The following TEX11 variants were observed in gnomAD, a reference collection of about 807,000 sequenced individuals.
TEX11 encodes testis-expressed protein 11.
Under a neutral mutation model 84.4 loss-of-function variants are expected in TEX11, and 7 were observed. The ratio of observed to expected loss-of-function variants is 0.08; its 90% CI spans 0.05 to 0.16. The LOEUF is 0.16. Ranked by LOEUF, TEX11 falls within the 10% of genes least tolerant of loss-of-function variation. TEX11 has a pLI of 1.00. For missense variants in TEX11, 551 were observed against 660.5 expected, an observed-to-expected ratio of 0.83 and a Z score of 1.82; for synonymous variants, 264 against 222.8, an observed-to-expected ratio of 1.18 and a Z score of -1.64.
At chrX:70,734,019 C>T (rs1398041291) in intron 11 of TEX11, among the ~76,000 whole-genome samples, 4 of 110,696 alleles carry the variant, frequency 3.6e-5, no homozygotes, top group African/African-American at 1.3e-4. Flanking sequence ...ATGGATGAAG[C>T]TGGAAACCAT....
intron 24 of TEX11, among the ~76,000 whole-genome samples, chrX:70,593,349 C>T (rs1167776579): frequency 8.9e-6 from 1 of 112,068 alleles, no homozygotes; most frequent in African/African-American, 3.2e-5. Flanking sequence ...CACTATTTCC[C>T]TATAGCTAAT....
chrX:70,706,333 G>A (rs756527749), intron 13 of TEX11, among the ~76,000 whole-genome samples: 6 of 109,561 alleles, frequency 5.5e-5, no homozygotes, highest in Non-Finnish European at 1.1e-4. Context: ...GGGAGGGATA[G>A]CATTAGGAGA....
At chrX:70,797,736 G>C (rs1240187739) in intron 9 of TEX11, among the ~76,000 whole-genome samples, 1 of 105,703 alleles carries the variant, frequency 9.5e-6, no homozygotes, top group Non-Finnish European at 1.9e-5. Context: ...CATTTGAACA[G>C]AATAAAGGAT....
rs756792681 is a variant in TEX11, at chrX:70,545,030, C to T, written c.2520+7096G>A. Among the ~76,000 whole-genome samples, 23 of 109,284 alleles carry T rather than the reference C, an allele frequency of 2.1e-4. No individual in the cohort carries two copies. In the East Asian group the frequency reaches 6.4e-3, roughly 30 times the overall value. The allele number at this position is 109,284 out of a possible 115,157, so 94.9% of individuals were successfully genotyped here. ...GGCCAGCCTGGCCAATGTGGTGAAA[C>T]CTCGTCTCCAGTAAAAATACAAAAA... On this transcript the variant is annotated intron_variant, in intron 28 of 29. Transcript: ENST00000374333.
At chrX:70,784,096 C>T (rs1158084158) in intron 9 of TEX11, among the ~76,000 whole-genome samples, 2 of 111,655 alleles carry the variant, frequency 1.8e-5, no homozygotes, top group African/African-American at 6.5e-5. Context: ...ATTGGCAAAC[C>T]GAATCCAGCA....
At chrX:70,710,123 C>T (rs1467461775) in intron 13 of TEX11, among the ~76,000 whole-genome samples, 1 of 107,492 alleles carries the variant, frequency 9.3e-6, no homozygotes, top group African/African-American at 3.4e-5. Context: ...TAATCAGCAT[C>T]AAAAAAAAAG....
intron 24 of TEX11, among the ~76,000 whole-genome samples, chrX:70,599,808 T>C (rs1280289211): frequency 1.9e-5 from 2 of 107,355 alleles, no homozygotes; most frequent in African/African-American, 6.8e-5. Context: ...CTGAGAATGA[T>C]GATTTCCAAT....
At chrX:70,563,786 T>C (rs1424909441) in intron 25 of TEX11, among the ~76,000 whole-genome samples, 2 of 112,823 alleles carry the variant, frequency 1.8e-5, no homozygotes, top group African/African-American at 6.4e-5. Context: ...ATTATTATAT[T>C]TTCCTCTTTT....
intron 11 of TEX11, among the ~76,000 whole-genome samples, chrX:70,739,560 T>A (rs934403139): frequency 9.2e-6 from 1 of 109,232 alleles, no homozygotes. Context: ...TGCAGGCACA[T>A]GCCACCACAC....
At position 70,670,452 on chromosome X, in the gene TEX11, A is replaced by G; in HGVS notation, c.1305T>C (p.Asp435=). ...GCTTGGTGAAGTCCAGATCCATTTCATCAGTTGAATAAAACCTCAGAGAAT... is the reference window on the plus strand; with the variant it reads ...GCTTGGTGAAGTCCAGATCCATTTCGTCAGTTGAATAAAACCTCAGAGAAT... The part of the protein sequence containing the change: ...YYYSLRFYST[D]EMDLDFTKLQ... Residue 435 remains aspartate, a synonymous_variant, in exon 16 of 30, where the codon GAT becomes GAC. Coordinates refer to ENST00000374333, the MANE Select transcript of TEX11 (RefSeq NM_031276.3). 1 of 1,210,128 alleles carries G rather than the reference A, an allele frequency of 8.3e-7. No homozygotes were observed. Among genetic ancestry groups the G allele is most frequent in the African/African-American group, 1.7e-5 (1 of 57,887 alleles).
At chrX:70,511,858 C>T in the TEX11 span, among the ~76,000 whole-genome samples, 3 of 105,389 alleles carry the variant, frequency 2.8e-5, 1 homozygote, top group Non-Finnish European at 5.9e-5. Context: ...GTTAGTCTTC[C>T]TTCCTCTACC....
intron 25 of TEX11, among the ~76,000 whole-genome samples, chrX:70,585,355 AAAG>A (rs2088839723): frequency 8.9e-6 from 1 of 112,499 alleles, no homozygotes; most frequent in Admixed American, 9.4e-5. Context: ...GAAAGACATT[AAAG>A]AAGACCTAAA....
intron 11 of TEX11, among the ~76,000 whole-genome samples, chrX:70,738,837 A>T (rs1429713581): frequency 2.7e-5 from 3 of 111,470 alleles, no homozygotes; most frequent in Non-Finnish European, 5.6e-5. Flanking sequence ...TTCTCAGCAA[A>T]CTAACACAGG....
At chrX:70,538,726 T>C (rs760352659) in intron 28 of TEX11, among the ~76,000 whole-genome samples, 1 of 111,037 alleles carries the variant, frequency 9.0e-6, no homozygotes, top group South Asian at 3.8e-4. Context: ...CATTATATAG[T>C]GGTATGACCT....
At chrX:70,868,757 G>C (rs190351296) in intron 4 of TEX11, among the ~76,000 whole-genome samples, 2 of 110,697 alleles carry the variant, frequency 1.8e-5, no homozygotes, top group Admixed American at 9.8e-5. Context: ...AACCATCACT[G>C]TCAGCAAACT....
intron 10 of TEX11, among the ~76,000 whole-genome samples, chrX:70,743,945 C>T (rs1239938976): frequency 1.8e-5 from 2 of 108,693 alleles, no homozygotes; most frequent in African/African-American, 3.3e-5. Flanking sequence ...CATACCCAAA[C>T]ATTGTTCAAA....
chrX:70,590,614 T>A (rs931385777), intron 25 of TEX11, among the ~76,000 whole-genome samples: 1 of 111,953 alleles, frequency 8.9e-6, no homozygotes, highest in Non-Finnish European at 1.9e-5. Context: ...AAAAACACAT[T>A]GTAAAAACTT....
intron 8 of TEX11, among the ~76,000 whole-genome samples, chrX:70,832,735 A>G (rs1326578968): frequency 1.8e-5 from 2 of 111,556 alleles, no homozygotes; most frequent in Non-Finnish European, 3.8e-5. Context: ...AAAGCAAAAA[A>G]CTATGTATTT....
intron 11 of TEX11, among the ~76,000 whole-genome samples, chrX:70,739,723 A>C (rs2147744050): frequency 8.9e-6 from 1 of 111,926 alleles, no homozygotes; most frequent in African/African-American, 3.2e-5. Flanking sequence ...ATCTATTTTT[A>C]AAGGGTCACC....
Sources: gnomAD v4.1 joint callset for allele counts (sites outside exome capture counted in the v4.1 genomes callset) on GRCh38, gnomAD v4.1.1 for gene constraint, MANE v1.5 for transcripts, NCBI Gene and HGNC (gene_info 2026-07-23, HGNC 2026-07-21) for gene names.